The following MPHOSPH8 variants were observed in gnomAD, a reference collection of about 807,000 sequenced individuals.
MPHOSPH8 encodes the protein M-phase phosphoprotein 8.
MPHOSPH8 carries 45 observed loss-of-function variants against 87.3 expected under a neutral mutation model. That is an observed-to-expected ratio of 0.52 (90% CI 0.41 to 0.66). MPHOSPH8 has a LOEUF of 0.66. Among genes scored for constraint, MPHOSPH8 ranks in the 30% least tolerant of loss-of-function variants. MPHOSPH8 has a pLI of 0.00. For missense variants in MPHOSPH8, 883 were observed against 1,020.2 expected (o/e 0.87, Z 1.83); for synonymous variants, 366 against 376.9 (o/e 0.97, Z 0.33).
chr13:19,641,628 GA>G (rs1472084152), intron 1 of MPHOSPH8, among the ~76,000 whole-genome samples: 1 of 151,740 alleles, frequency 6.6e-6, no homozygotes, highest in Non-Finnish European at 1.5e-5. Flanking sequence ...AAGTAGCTGG[GA>G]TTACAGGCGC....
At chr13:19,652,332 G>A (rs887137196) in intron 5 of MPHOSPH8, among the ~76,000 whole-genome samples, 2 of 152,136 alleles carry the variant, frequency 1.3e-5, no homozygotes, top group Admixed American at 6.5e-5. Flanking sequence ...AGGGGGTCGG[G>A]GAACTCCCTC....
At chr13:19,661,120 C>A in intron 7 of MPHOSPH8, 1 of 244,734 alleles carries the variant, frequency 4.1e-6, no homozygotes, top group Non-Finnish European at 6.5e-6. Context: ...AAAACAACAC[C>A]AACAAAAAAA....
At chr13:19,650,560 T>C (rs1874789449) in intron 5 of MPHOSPH8, 1 of 264,226 alleles carries the variant, frequency 3.8e-6, no homozygotes, top group African/African-American at 2.2e-5. Context: ...TACTATTTAA[T>C]AGATTTCTTT....
intron 7 of MPHOSPH8, among the ~76,000 whole-genome samples, chr13:19,660,200 C>T (rs917023726): frequency 6.6e-6 from 1 of 151,478 alleles, no homozygotes; most frequent in Non-Finnish European, 1.5e-5. Context: ...GATCTCCTGA[C>T]CTTGTGATCT....
At chr13:19,670,415 C>G in intron 12 of MPHOSPH8, 52 bp downstream of exon 12, 1 of 1,554,518 alleles carries the variant, frequency 6.4e-7, no homozygotes, top group Non-Finnish European at 8.8e-7. Context: ...TAATCAAAAG[C>G]ACAGATGACT....
chr13:19,643,371 AAGCAGCTAGG>A (rs1334913889), intron 2 of MPHOSPH8, among the ~76,000 whole-genome samples: 1 of 151,922 alleles, frequency 6.6e-6, no homozygotes, highest in Admixed American at 6.6e-5. Context: ...TCAGCCTCCC[AAGCAGCTAGG>A]ACTATAGATA....
At chr13:19,662,174 C>T (rs531300382) in intron 8 of MPHOSPH8, among the ~76,000 whole-genome samples, 1 of 152,140 alleles carries the variant, frequency 6.6e-6, no homozygotes, top group Admixed American at 6.5e-5. Context: ...CTCCTGACCT[C>T]GTGATCTGCC....
At position 19,648,516 on chromosome 13, in the gene MPHOSPH8, T is replaced by A. The variant is rs1022086863; in HGVS notation, c.1313T>A (p.Leu438Ter). The change falls in exon 4 of 14, where the codon TTA (leucine) becomes TAA (stop). Residue 438 changes from leucine (L) to a stop codon, truncating the protein, a stop_gained. Coordinates refer to ENST00000361479, the MANE Select transcript of MPHOSPH8 (RefSeq NM_017520.4). LOFTEE classifies it high-confidence loss of function. ...EEKGRKEPKG[L>*]KTLKEIRNAF... The stretch of plus-strand genomic sequence containing the variant: ...AAAGGCAGAAAAGAGCCAAAAGGAT[T>A]AAAGAGTGAGTGTAAATATTAACGT... 1 of 1,552,004 alleles carries A rather than the reference T, an allele frequency of 6.4e-7. No homozygotes were observed. The highest frequency in any genetic ancestry group is 8.7e-7 in the Non-Finnish European group (1 of 1,145,586).
intron 7 of MPHOSPH8, chr13:19,659,793 G>A: frequency 3.7e-6 from 1 of 268,132 alleles, no homozygotes; most frequent in Non-Finnish European, 7.6e-6. Context: ...GTTTGGTTAT[G>A]GTCTACCTGT....
At chr13:19,668,683 G>A in intron 11 of MPHOSPH8, 152 bp downstream of exon 11, 2 of 853,612 alleles carry the variant, frequency 2.3e-6, no homozygotes, top group South Asian at 3.7e-5. Flanking sequence ...AGCCACTCTG[G>A]TGGAAGAGAC....
At chr13:19,667,043 C>T (rs904251031) in intron 10 of MPHOSPH8, among the ~76,000 whole-genome samples, 4 of 151,858 alleles carry the variant, frequency 2.6e-5, no homozygotes, top group Admixed American at 6.6e-5. Context: ...GTACCTGTAA[C>T]CCCAGCTACT....
intron 4 of MPHOSPH8, among the ~76,000 whole-genome samples, chr13:19,649,003 T>C (rs1460303191): frequency 6.6e-6 from 1 of 152,238 alleles, no homozygotes; most frequent in East Asian, 1.9e-4. Context: ...ACAGTGGTTC[T>C]AAGAGATGGA....
rs1221430096 is a variant in MPHOSPH8, at chr13:19,638,785, A to G, written c.214-3330A>G. 3.3e-5 allele frequency among the ~76,000 whole-genome samples: 5 copies of G among 152,086 alleles called. No homozygotes were observed. In the East Asian group the frequency reaches 9.7e-4, roughly 29 times the overall value. On this transcript the variant is annotated intron_variant, in intron 1 of 13. Transcript: ENST00000361479. ...GAGCAGTTCTTGGCACTTCGCTTGG[A>G]AAGTTTATTGCCTTGGTGGTGGTGT...
intron 2 of MPHOSPH8, among the ~76,000 whole-genome samples, chr13:19,644,318 G>C (rs1482935947): frequency 6.6e-6 from 1 of 152,046 alleles, no homozygotes; most frequent in Non-Finnish European, 1.5e-5. Context: ...TTGAAATACT[G>C]TCCTTTACTC....
Position 19,673,085 on chromosome 13 carries a change from A to G in MPHOSPH8, c.*1210A>G, listed in dbSNP as rs748042922. 2 of 360,118 alleles carry G rather than the reference A, an allele frequency of 5.6e-6. No homozygotes were observed. Among genetic ancestry groups the G allele is most frequent in the South Asian group, 1.7e-5 (1 of 59,010 alleles). The allele number at this position is 360,118 out of a possible 1,614,324, so 22.3% of individuals were successfully genotyped here. On this transcript the variant is annotated 3_prime_UTR_variant, in exon 14 of 14. Transcript: ENST00000361479. Reference sequence around the variant, plus strand: ...AAAAAAAAAGTTTCTTGGAACCTATACGGTTTTTTTTTGTTTTTTTTTTTT... The same window carrying G: ...AAAAAAAAAGTTTCTTGGAACCTATGCGGTTTTTTTTTGTTTTTTTTTTTT...
At position 19,642,189 on chromosome 13, in the gene MPHOSPH8, G is replaced by A. The variant is rs1874330533; in HGVS notation, c.288G>A (p.Leu96=). 6.2e-7 allele frequency: 1 copy of A among 1,612,452 alleles called. No individual in the cohort carries two copies. Among genetic ancestry groups the A allele is most frequent in the Non-Finnish European group, 8.5e-7 (1 of 1,179,408 alleles). Reference sequence around the variant, plus strand: ...ATACCTGGGAGCCCGAGATTCACCTGGAGGACTGTAAAGAAGTGCTTCTTG... The same window carrying A: ...ATACCTGGGAGCCCGAGATTCACCTAGAGGACTGTAAAGAAGTGCTTCTTG... ...DDDTWEPEIH[L]EDCKEVLLEF... The change falls in exon 2 of 14, where the codon CTG becomes CTA. Residue 96 remains leucine (L), a synonymous_variant. Transcript: ENST00000361479.
chr13:19,637,521 T>C (rs1874068913), intron 1 of MPHOSPH8, among the ~76,000 whole-genome samples: 1 of 152,072 alleles, frequency 6.6e-6, no homozygotes, highest in Non-Finnish European at 1.5e-5. Flanking sequence ...ACAAGGATCA[T>C]TTTTGTTCCC....
At chr13:19,634,068 G>A (rs1236809689) in intron 1 of MPHOSPH8, 107 bp downstream of exon 1, 2 of 1,145,422 alleles carry the variant, frequency 1.7e-6, no homozygotes, top group South Asian at 1.4e-5. Context: ...AGCGGGGGAG[G>A]AATGTGAGAG....
At chr13:19,634,501 A>G (rs532755133) in intron 1 of MPHOSPH8, among the ~76,000 whole-genome samples, 2 of 152,278 alleles carry the variant, frequency 1.3e-5, no homozygotes, top group East Asian at 1.9e-4. Flanking sequence ...GCAGCCACAC[A>G]GAAATACTTG....
Sources: allele counts gnomAD v4.1 joint callset (sites outside exome capture counted in the v4.1 genomes callset), GRCh38; gene constraint gnomAD v4.1.1; transcripts MANE v1.5; gene names NCBI Gene and HGNC (gene_info 2026-07-23, HGNC 2026-07-21).